Variants in TMTC2 observed in about 807,000 individuals in gnomAD.
TMTC2 encodes the protein protein O-mannosyl-transferase TMTC2.
Under a neutral mutation model 82.4 loss-of-function variants are expected in TMTC2, and 43 were observed. The ratio of observed to expected loss-of-function variants is 0.52; its 90% CI spans 0.41 to 0.67. TMTC2 has a LOEUF of 0.67. Ranked by LOEUF, TMTC2 falls within the 30% of genes least tolerant of loss-of-function variation. TMTC2 has a pLI of 0.00. For synonymous variants in TMTC2, 408 were observed against 381.9 expected (o/e 1.07, Z -0.80); for missense variants, 919 against 1,012.4 (o/e 0.91, Z 1.25).
At chr12:82,893,369 CAAAAA>C (rs71443447) in intron 2 of TMTC2, among the ~76,000 whole-genome samples, 11 of 122,646 alleles carry the variant, frequency 9.0e-5, no homozygotes, top group African/African-American at 3.3e-4. Context: ...GACTCTATCT[CAAAAA>C]AAAAAAAAAA....
rs1870996442 is a variant in TMTC2 at position 82,851,915 on chromosome 12, A to G, written c.84-5095A>G. Among the ~76,000 whole-genome samples, 5 of 151,720 alleles carry G rather than the reference A, an allele frequency of 3.3e-5. No individual in the cohort carries two copies. The South Asian group carries it at 1.0e-3, about 32-fold the overall frequency. ...AAAGGTCACGAGACAAAAAAAAAAA[A>G]GCTGTGAGAGAAAGACACACAAGGA... On this transcript the variant is annotated intron_variant, in intron 1 of 11. Transcript: ENST00000321196.
chr12:82,820,388 C>T (rs1354084449), intron 1 of TMTC2, among the ~76,000 whole-genome samples: 12 of 149,482 alleles, frequency 8.0e-5, no homozygotes, highest in Non-Finnish European at 1.5e-4. Context: ...TTTTTTTTTT[C>T]GAGACACAGT....
intron 1 of TMTC2, among the ~76,000 whole-genome samples, chr12:82,735,723 T>C (rs566015072): frequency 1.6e-4 from 24 of 151,324 alleles, no homozygotes; most frequent in African/African-American, 5.3e-4. Context: ...TCTCAGCACC[T>C]TGGGAGCCCG....
chr12:83,049,304 G>T (rs1270884212), intron 9 of TMTC2, among the ~76,000 whole-genome samples: 2 of 151,952 alleles, frequency 1.3e-5, no homozygotes, highest in African/African-American at 4.8e-5. Flanking sequence ...TTTTTGATCT[G>T]CCCCCTCCCA....
intron 11 of TMTC2, among the ~76,000 whole-genome samples, chr12:83,128,569 G>T (rs1885164848): frequency 6.6e-6 from 1 of 152,152 alleles, no homozygotes; most frequent in African/African-American, 2.4e-5. Context: ...GCTGTGAAAT[G>T]ATATAATCTA....
At chr12:82,827,123 A>G (rs572051266) in intron 1 of TMTC2, among the ~76,000 whole-genome samples, 1 of 152,308 alleles carries the variant, frequency 6.6e-6, no homozygotes, top group Admixed American at 6.5e-5. Flanking sequence ...TCTAATATAA[A>G]TAAATCATCA....
intron 3 of TMTC2, among the ~76,000 whole-genome samples, chr12:82,925,394 A>C (rs1284261243): frequency 6.6e-6 from 1 of 152,244 alleles, no homozygotes; most frequent in Admixed American, 6.5e-5. Flanking sequence ...TAAATATTTA[A>C]TACATTAATA....
chr12:82,813,081 TC>T (rs771122800), intron 1 of TMTC2, among the ~76,000 whole-genome samples: 28 of 151,916 alleles, frequency 1.8e-4, no homozygotes, highest in Non-Finnish European at 3.7e-4. Context: ...TTCCCCAACC[TC>T]ACTGTAATAG....
At chr12:82,986,137 A>G in intron 8 of TMTC2, 91 bp downstream of exon 8, 1 of 1,557,344 alleles carries the variant, frequency 6.4e-7, no homozygotes, top group Non-Finnish European at 8.8e-7. Context: ...ACAGCCAGTT[A>G]TCTAAGCTAT....
chr12:82,954,881 T>G (rs1469486049), intron 4 of TMTC2, among the ~76,000 whole-genome samples: 1 of 152,220 alleles, frequency 6.6e-6, no homozygotes, highest in Non-Finnish European at 1.5e-5. Context: ...TCTGTTTAAT[T>G]TTTAGAAAAT....
chr12:82,955,635 T>G (rs1877574143), intron 4 of TMTC2, among the ~76,000 whole-genome samples: 1 of 152,164 alleles, frequency 6.6e-6, no homozygotes, highest in Non-Finnish European at 1.5e-5. Context: ...TTATTTTTCT[T>G]TTTTTAGTAA....
intron 8 of TMTC2, among the ~76,000 whole-genome samples, chr12:83,019,868 G>A (rs1314339201): frequency 6.6e-6 from 1 of 152,008 alleles, no homozygotes; most frequent in African/African-American, 2.4e-5. Context: ...TAGCATCTTA[G>A]TATGACTGAT....
At chr12:82,783,085 T>C (rs1344564856) in intron 1 of TMTC2, among the ~76,000 whole-genome samples, 1 of 152,084 alleles carries the variant, frequency 6.6e-6, no homozygotes, top group Non-Finnish European at 1.5e-5. Context: ...TAAGGGCAAA[T>C]GAACTTGGAT....
chr12:82,719,083 A>ATTT (rs1480822241), intron 1 of TMTC2, among the ~76,000 whole-genome samples: 141 of 53,754 alleles, frequency 2.6e-3, no homozygotes, highest in East Asian at 5.9e-3. Flanking sequence ...ATATATATAT[A>ATTT]TATTTTTTTT....
chr12:82,691,182 A>G (rs899086075), intron 1 of TMTC2, among the ~76,000 whole-genome samples: 19 of 152,208 alleles, frequency 1.2e-4, no homozygotes, highest in African/African-American at 4.6e-4. Context: ...ATTAGTTTGC[A>G]AAGACAATTT....
chr12:82,846,713 C>T (rs908793869), intron 1 of TMTC2, among the ~76,000 whole-genome samples: 12 of 152,056 alleles, frequency 7.9e-5, no homozygotes, highest in African/African-American at 1.2e-4. Flanking sequence ...TATTCGGGGT[C>T]GCTGACCATT....
chr12:82,879,486 C>A (rs1872727412), intron 2 of TMTC2, among the ~76,000 whole-genome samples: 1 of 152,182 alleles, frequency 6.6e-6, no homozygotes, highest in South Asian at 2.1e-4. Context: ...TGACAGGAGG[C>A]AGAACTCAGG....
Position 82,864,989 on chromosome 12 carries a change from C to A in TMTC2, c.654+7409C>A, listed in dbSNP as rs1871763807. 2.7e-5 allele frequency among the ~76,000 whole-genome samples: 4 copies of A among 145,552 alleles called. No homozygotes were observed. The Admixed American group carries it at 2.8e-4, about 10-fold the overall frequency. On this transcript the variant is annotated intron_variant, in intron 2 of 11. Transcript: ENST00000321196. Reference sequence around the variant, plus strand: ...CAGCACTTTGAGAGGCCAGGGCAGGCAGATCACGAGATCAGGAGTTTGAGA... The same window carrying A: ...CAGCACTTTGAGAGGCCAGGGCAGGAAGATCACGAGATCAGGAGTTTGAGA...
At chr12:82,703,214 A>G (rs192418397) in intron 1 of TMTC2, among the ~76,000 whole-genome samples, 1 of 152,248 alleles carries the variant, frequency 6.6e-6, no homozygotes, top group Admixed American at 6.5e-5. Context: ...AGAAAAGAAA[A>G]GAACTAACAA....
Sources: allele counts gnomAD v4.1 joint callset (sites outside exome capture counted in the v4.1 genomes callset), GRCh38; gene constraint gnomAD v4.1.1; transcripts MANE v1.5; gene names NCBI Gene and HGNC (gene_info 2026-07-23, HGNC 2026-07-21).